SMCHD1: variants seen among roughly 807,000 people sequenced by gnomAD.
SMCHD1 encodes the protein structural maintenance of chromosomes flexible hinge domain containing 1, also known as structural maintenance of chromosomes flexible hinge domain-containing protein 1.
Under a neutral mutation model 254.7 loss-of-function variants are expected in SMCHD1, and 78 were observed. The ratio of observed to expected loss-of-function variants is 0.31; its 90% confidence interval spans 0.26 to 0.37. SMCHD1 has a LOEUF of 0.37. Among genes scored for constraint, SMCHD1 ranks in the 10% least tolerant of loss-of-function variants. The probability of loss-of-function intolerance (pLI) is 1.00; values close to 1 mark genes in which losing one functional copy is unlikely to be tolerated. For missense variants in SMCHD1, 1,840 were observed against 2,408.1 expected (o/e 0.76, Z 4.94); for synonymous variants, 766 against 794.9 (o/e 0.96, Z 0.61).
At chr18:2,771,643 A>AG in intron 40 of SMCHD1, 25 bp downstream of exon 40, 1 of 1,440,232 alleles carries the variant, frequency 6.9e-7, no homozygotes, top group South Asian at 1.4e-5. Context: ...TATACGTGAA[A>AG]GATTTTTTAT....
rs748505246 is a variant in SMCHD1, at chr18:2,750,332, C to T, written c.4008-18C>T. ...TAACTAATGTAATTTGAACCCCTCT[C>T]CTCTTTTGTTTTGTTAGGGGAGAGC... On this transcript the variant is annotated intron_variant, in intron 31 of 47. Coordinates refer to ENST00000320876, the MANE Select transcript of SMCHD1 (RefSeq NM_015295.3). 71 of 1,592,094 alleles carry T rather than the reference C, an allele frequency of 4.5e-5. No homozygotes were observed. Among genetic ancestry groups the T allele is most frequent in the Non-Finnish European group, 5.8e-5 (68 of 1,171,428 alleles).
At chr18:2,769,659 T>A (rs976043556) in intron 37 of SMCHD1, 35 bp from the exon 38 acceptor site, 2 of 1,561,512 alleles carry the variant, frequency 1.3e-6, no homozygotes, top group African/African-American at 1.4e-5. Flanking sequence ...TCTTTTTAAA[T>A]CTTGTTTTCC....
Position 2,718,727 on chromosome 18 carries a change from A to G in SMCHD1, c.2458+293A>G, listed in dbSNP as rs62084231. On this transcript the variant is annotated intron_variant, in intron 19 of 47. Coordinates refer to ENST00000320876, the MANE Select transcript of SMCHD1 (RefSeq NM_015295.3). The surrounding 1 kb of genome is among the most constrained non-coding windows in gnomAD (Gnocchi z 4.6). ...CCCGCCACCACACCTGGCTTTTTGT[A>G]TTTTTAGTAAAGACAAAGTTTCGCC... is the stretch of plus-strand genomic sequence containing the variant. 0.19 allele frequency among the ~76,000 whole-genome samples: 28,998 copies of G among 151,522 alleles called. 3,019 individuals carry two copies. The highest frequency in any genetic ancestry group is 0.27 in the South Asian group (1,301 of 4,798).
intron 45 of SMCHD1, among the ~76,000 whole-genome samples, chr18:2,790,333 A>G (rs2076300205): frequency 6.6e-6 from 1 of 152,232 alleles, no homozygotes; most frequent in Non-Finnish European, 1.5e-5. Context: ...GTACAATAAG[A>G]TACTTTGAGA....
At chr18:2,677,198 C>G (rs1425248338) in intron 5 of SMCHD1, among the ~76,000 whole-genome samples, 1 of 152,062 alleles carries the variant, frequency 6.6e-6, no homozygotes, top group Non-Finnish European at 1.5e-5. Flanking sequence ...TACCCATATA[C>G]TCACACCTAG....
At chr18:2,798,388 T>A (rs1302854771) in intron 47 of SMCHD1, among the ~76,000 whole-genome samples, 1 of 152,188 alleles carries the variant, frequency 6.6e-6, no homozygotes, top group South Asian at 2.1e-4. Flanking sequence ...AAAGAAAGAC[T>A]CTTTGCAGTG....
intron 10 of SMCHD1, 77 bp from the exon 11 acceptor site, chr18:2,700,461 GA>G: frequency 2.8e-6 from 4 of 1,432,926 alleles, no homozygotes; most frequent in Non-Finnish European, 3.8e-6. Context: ...AATGCAATTT[GA>G]AACATTTATG....
intron 10 of SMCHD1, 38 bp from the exon 11 acceptor site, chr18:2,700,501 G>T (rs769501509): frequency 6.4e-7 from 1 of 1,562,980 alleles, no homozygotes. Flanking sequence ...TCACATTTTA[G>T]CAATAAACAT....
At position 2,760,671 on chromosome 18, in the gene SMCHD1, A is replaced by G; in HGVS notation, c.4366A>G (p.Lys1456Glu). The G allele has an allele frequency of 6.3e-7, 1 of 1,575,294 alleles. No homozygotes were observed. The highest frequency in any genetic ancestry group is 8.7e-7 in the Non-Finnish European group (1 of 1,145,308). Residue 1456 changes from lysine to glutamate, a missense_variant, in exon 35 of 48, where the codon AAA becomes GAA. Physicochemically the swap from Lys to Glu is moderately conservative, Grantham distance 56. Transcript: ENST00000320876. ...FYFRDKVIPNKVGTYCIQFGF... is the reference protein window; with the variant it reads ...FYFRDKVIPNEVGTYCIQFGF... ...ATTTAGGGATAAAGTAATTCCTAAT[A>G]AAGTGGGGACATATTGTATCCAGTT...
chr18:2,682,962 T>C (rs1219020381), intron 5 of SMCHD1, among the ~76,000 whole-genome samples: 2 of 152,350 alleles, frequency 1.3e-5, no homozygotes, highest in East Asian at 1.9e-4. Context: ...CCTTACTTGC[T>C]GTGATAGAGT....
chr18:2,703,687 T>C lies in SMCHD1; in HGVS notation c.1648-5T>C, dbSNP rs373665189. On this transcript the variant is annotated splice_region_variant and splice_polypyrimidine_tract_variant and intron_variant, in intron 12 of 47. Transcript: ENST00000320876. ...TATTTCATAAAACATTTTAAAATTC[T>C]ACAGGAACAGCGAATGAAAATTGAC... 1 of 1,601,102 alleles carries C rather than the reference T, an allele frequency of 6.2e-7. No homozygotes were observed. Among genetic ancestry groups the C allele is most frequent in the African/African-American group, 1.4e-5 (1 of 74,032 alleles).
intron 44 of SMCHD1, among the ~76,000 whole-genome samples, chr18:2,780,231 C>A (rs1432646590): frequency 4.7e-4 from 31 of 65,576 alleles, no homozygotes; most frequent in South Asian, 4.2e-3. Context: ...CAGAGCAAGA[C>A]TCTATCTAAA....
At chr18:2,692,852 T>G (rs932884631) in intron 7 of SMCHD1, among the ~76,000 whole-genome samples, 4 of 152,252 alleles carry the variant, frequency 2.6e-5, no homozygotes, top group Admixed American at 2.0e-4. Context: ...ACTGTCTTAT[T>G]TATCTTGAAC....
chr18:2,703,943 A>T, intron 13 of SMCHD1, 57 bp downstream of exon 13: 5 of 1,304,572 alleles, frequency 3.8e-6, no homozygotes, highest in Non-Finnish European at 5.2e-6. Flanking sequence ...TTTAAAACAC[A>T]TATGCAGAAT....
At position 2,751,290 on chromosome 18, in the gene SMCHD1, G is replaced by C. The variant is rs369758530; in HGVS notation, c.4178G>C (p.Ser1393Thr). 8 of 1,547,798 alleles carry C rather than the reference G, an allele frequency of 5.2e-6. No individual in the cohort carries two copies. The highest frequency in any genetic ancestry group is 2.8e-5 in the African/African-American group (2 of 71,016). ...AGGLFTDFMI[S>T]VISEDDSIIK... ...TTTACCATGACAGATTTTATGATTA[G>C]TGTTATTTCTGAAGATGACAGTATC... The change falls in exon 33 of 48, where the codon AGT (serine) becomes ACT (threonine). Residue 1393 changes from serine (S) to threonine (T), a missense_variant. Coordinates refer to ENST00000320876, the MANE Select transcript of SMCHD1 (RefSeq NM_015295.3).
chr18:2,790,597 T>A (rs1356508796), intron 45 of SMCHD1, among the ~76,000 whole-genome samples: 1 of 152,026 alleles, frequency 6.6e-6, no homozygotes, highest in Non-Finnish European at 1.5e-5. Context: ...CCATCTCTAC[T>A]AAAAATACAA....
intron 45 of SMCHD1, among the ~76,000 whole-genome samples, chr18:2,794,857 A>G (rs1357666883): frequency 6.6e-6 from 1 of 152,192 alleles, no homozygotes; most frequent in Non-Finnish European, 1.5e-5. Flanking sequence ...ATAGTTTAAA[A>G]TAAGTTGGAT....
chr18:2,784,473 T>G lies in SMCHD1; in HGVS notation c.5571T>G (p.Pro1857=). ...RKEVVKITHC[P]TLLTRDGDRI... ...AGGTTGTTAAAATTACACACTGTCC[T>G]ACACTGCTGACCAGAGATGGAGATC... The change falls in exon 45 of 48, where the codon CCT becomes CCG. Residue 1857 remains proline (P), a synonymous_variant. Coordinates refer to ENST00000320876, the MANE Select transcript of SMCHD1 (RefSeq NM_015295.3). The G allele has an allele frequency of 1.2e-6, 2 of 1,612,150 alleles. No homozygotes were observed. The highest frequency in any genetic ancestry group is 1.7e-6 in the Non-Finnish European group (2 of 1,178,996).
intron 37 of SMCHD1, among the ~76,000 whole-genome samples, chr18:2,765,739 T>C (rs1316951015): frequency 1.3e-5 from 2 of 152,228 alleles, no homozygotes; most frequent in African/African-American, 2.4e-5. Flanking sequence ...TTTTCATTTA[T>C]TGACATTGAG....
Sources: allele counts gnomAD v4.1 joint callset (sites outside exome capture counted in the v4.1 genomes callset), GRCh38; gene constraint gnomAD v4.1.1; non-coding constraint Gnocchi (gnomAD v3.1); transcripts MANE v1.5; gene names NCBI Gene and HGNC (gene_info 2026-07-23, HGNC 2026-07-21).